ACAD11: variants seen among roughly 807,000 people sequenced by gnomAD.
The protein encoded by ACAD11 is acyl-Coenzyme A dehydrogenase family, member 11.
In ACAD11, 83 loss-of-function variants were observed where a neutral mutation model predicts 102.2. The observed-to-expected ratio is 0.81, with a 90% CI of 0.68 to 0.97. The LOEUF (loss-of-function observed/expected upper bound fraction) is 0.97. Among genes scored for constraint, ACAD11 ranks in the 50% least tolerant of loss-of-function variants. The probability of loss-of-function intolerance (pLI) is 0.00; values close to 1 mark genes in which losing one functional copy is unlikely to be tolerated. For synonymous variants in ACAD11, 324 were observed against 319.8 expected (o/e 1.01, Z -0.14); for missense variants, 901 against 951.7 (o/e 0.95, Z 0.70).
chr3:132,579,017 T>C, intron 14 of ACAD11, 136 bp from the exon 15 acceptor site: 3 of 1,523,084 alleles, frequency 2.0e-6, no homozygotes, highest in Non-Finnish European at 2.6e-6. Context: ...GGGAACTGTG[T>C]AAAAGACGTA....
intron 1 of ACAD11, among the ~76,000 whole-genome samples, chr3:132,646,135 C>G (rs1348135081): frequency 1.3e-5 from 2 of 152,184 alleles, no homozygotes; most frequent in African/African-American, 4.8e-5. Context: ...CGCCACCGCA[C>G]CCGGCTAATT....
chr3:132,649,147 A>G lies in ACAD11; in HGVS notation c.150-4251T>C, dbSNP rs1349492940. 5.3e-5 allele frequency among the ~76,000 whole-genome samples: 8 copies of G among 152,228 alleles called. No individual in the cohort carries two copies. The East Asian group carries it at 1.5e-3, about 29-fold the overall frequency. On this transcript the variant is annotated intron_variant, in intron 1 of 19. Coordinates refer to ENST00000264990, the MANE Select transcript of ACAD11 (RefSeq NM_032169.5). ...CAGGTATTGTCCAAGGTTTCTCCCC[A>G]TGTGATAGTCTGAAATATGGCCCCG... is the stretch of plus-strand genomic sequence containing the variant.
intron 5 of ACAD11, 59 bp downstream of exon 5, chr3:132,639,433 C>G: frequency 1.3e-6 from 2 of 1,537,468 alleles, no homozygotes; most frequent in East Asian, 4.6e-5. Context: ...GGAGCATTTA[C>G]TTAGTACTGT....
At chr3:132,640,363 C>T (rs1436761328) in intron 4 of ACAD11, among the ~76,000 whole-genome samples, 1 of 152,208 alleles carries the variant, frequency 6.6e-6, no homozygotes, top group Admixed American at 6.5e-5. Context: ...CCTGGGATTA[C>T]AAGCTTCAGC....
chr3:132,586,023 T>C (rs1410420478), intron 13 of ACAD11, among the ~76,000 whole-genome samples: 1 of 152,172 alleles, frequency 6.6e-6, no homozygotes, highest in African/African-American at 2.4e-5. Flanking sequence ...ATCATGCTGC[T>C]ATAAAGACAC....
Position 132,575,793 on chromosome 3 carries a change from G to T in ACAD11, c.1980C>A (p.Phe660Leu). 1.2e-6 allele frequency: 2 copies of T among 1,614,012 alleles called. No individual in the cohort carries two copies. The highest frequency in any genetic ancestry group is 1.7e-6 in the Non-Finnish European group (2 of 1,179,972). The change falls in exon 17 of 20, where the codon TTC (phenylalanine) becomes TTA (leucine). Residue 660 changes from phenylalanine to leucine, a missense_variant. Phe to Leu is a conservative substitution (Grantham distance 22). Transcript: ENST00000264990. ...MCERATQRIAFKKKLYAHEVV... is the reference protein window; with the variant it reads ...MCERATQRIALKKKLYAHEVV... ...TCACATGTGCATACAACTTCTTCTT[G>T]AAAGCTATCCTTTGTGTTGCCCGCT...
intron 5 of ACAD11, among the ~76,000 whole-genome samples, 164 bp from the exon 6 acceptor site, chr3:132,631,643 C>A (rs1940045767): frequency 6.6e-6 from 1 of 152,284 alleles, no homozygotes; most frequent in South Asian, 2.1e-4. Context: ...GCCAATTAGC[C>A]TTGATTATAT....
At chr3:132,630,692 T>C in intron 6 of ACAD11, 134 bp from the exon 7 acceptor site, 3 of 722,044 alleles carry the variant, frequency 4.2e-6, no homozygotes, top group Non-Finnish European at 6.4e-6. Context: ...ATGTTCTAAA[T>C]CTTGATTTCC....
rs113747367 is a variant in ACAD11, at chr3:132,596,507, G to C, written c.1621+6722C>G. On this transcript the variant is annotated intron_variant, in intron 13 of 19. Transcript: ENST00000264990. ...GCAGGTGGAGACTGAGCCTGGCCTT[G>C]CATGAAAAAATAGATAACTGCCATG... Among the ~76,000 whole-genome samples, 1,084 of 152,196 alleles carry C rather than the reference G, an allele frequency of 7.1e-3. 5 individuals carry two copies. The highest frequency in any genetic ancestry group is 0.012 in the Non-Finnish European group (835 of 68,004).
intron 16 of ACAD11, 46 bp from the exon 17 acceptor site, chr3:132,575,972 C>A (rs751863229): frequency 1.3e-6 from 2 of 1,597,524 alleles, no homozygotes; most frequent in South Asian, 2.2e-5. Flanking sequence ...AATGGCCTAG[C>A]CCATTCCTTT....
rs543282117 is a variant in ACAD11 at position 132,579,650 on chromosome 3, T to C, written c.1622-92A>G. 615 of 971,446 alleles carry C rather than the reference T, an allele frequency of 6.3e-4. 7 individuals are homozygous for C. In the South Asian group the frequency reaches 7.4e-3, roughly 12 times the overall value. 60.2% of individuals were successfully genotyped at this position (971,446 alleles called of 1,614,324 possible). On this transcript the variant is annotated intron_variant, in intron 13 of 19. Coordinates refer to ENST00000264990, the MANE Select transcript of ACAD11 (RefSeq NM_032169.5). Reference sequence around the variant, plus strand: ...GTTCTAATCCTTCCCACTTTACCTATGTCAGAAAACAAATAGAGAGAACAT... The same window carrying C: ...GTTCTAATCCTTCCCACTTTACCTACGTCAGAAAACAAATAGAGAGAACAT...
intron 18 of ACAD11, 124 bp downstream of exon 18, chr3:132,560,977 A>G: frequency 1.4e-6 from 1 of 723,616 alleles, no homozygotes; most frequent in Non-Finnish European, 2.4e-6. Flanking sequence ...ATAACCCAAA[A>G]TCACATGGGG....
chr3:132,637,194 T>C (rs1940307619), intron 5 of ACAD11, among the ~76,000 whole-genome samples: 1 of 152,020 alleles, frequency 6.6e-6, no homozygotes, highest in Admixed American at 6.6e-5. Context: ...AGTAAAATAA[T>C]AATAATAATG....
intron 12 of ACAD11, among the ~76,000 whole-genome samples, chr3:132,603,914 T>C (rs1453786456): frequency 6.6e-6 from 1 of 152,238 alleles, no homozygotes; most frequent in East Asian, 1.9e-4. Flanking sequence ...CTTGCTAATA[T>C]GACACCCCTT....
chr3:132,569,240 A>G (rs1321189194), intron 17 of ACAD11, among the ~76,000 whole-genome samples: 1 of 152,196 alleles, frequency 6.6e-6, no homozygotes. Context: ...GATGCTCAAC[A>G]TGATTCACCA....
intron 3 of ACAD11, 57 bp downstream of exon 3, chr3:132,642,620 T>C (rs1940567436): frequency 6.7e-7 from 1 of 1,501,140 alleles, no homozygotes; most frequent in Non-Finnish European, 9.0e-7. Flanking sequence ...TAAAACATCT[T>C]AATTAACTTC....
chr3:132,614,077 C>T (rs1379567456), intron 11 of ACAD11, among the ~76,000 whole-genome samples: 2 of 151,922 alleles, frequency 1.3e-5, no homozygotes, highest in Admixed American at 6.6e-5. Flanking sequence ...TTCACAATTG[C>T]TACAAAGAGA....
At chr3:132,602,071 C>T (rs868787616) in intron 13 of ACAD11, 6 of 166,516 alleles carry the variant, frequency 3.6e-5, no homozygotes, top group South Asian at 2.1e-4. Context: ...AATACAAGAA[C>T]GATTTCCCTG....
At chr3:132,590,906 C>T (rs1180823501) in intron 13 of ACAD11, among the ~76,000 whole-genome samples, 1 of 152,112 alleles carries the variant, frequency 6.6e-6, no homozygotes, top group Non-Finnish European at 1.5e-5. Context: ...GGATATTGGA[C>T]CTTTGTCAGA....
Sources: allele counts gnomAD v4.1 joint callset (sites outside exome capture counted in the v4.1 genomes callset), GRCh38; gene constraint gnomAD v4.1.1; transcripts MANE v1.5; gene names NCBI Gene and HGNC (gene_info 2026-07-23, HGNC 2026-07-21).